The following CFAP57 variants were observed in gnomAD, a reference collection of about 807,000 sequenced individuals.
CFAP57 encodes the protein cilia and flagella associated protein 57.
Under a neutral mutation model 146.8 loss-of-function variants are expected in CFAP57, and 116 were observed. The observed-to-expected ratio is 0.79, with a 90% CI of 0.68 to 0.92. The LOEUF (loss-of-function observed/expected upper bound fraction) is 0.92, where lower values mean the gene tolerates loss of function less well. CFAP57 is among the 40% of genes least tolerant of loss of function. CFAP57 has a pLI of 0.00. For synonymous variants in CFAP57, 518 were observed against 552.8 expected, an observed-to-expected ratio of 0.94 and a Z score of 0.88; for missense variants, 1,377 against 1,527.2, an observed-to-expected ratio of 0.90 and a Z score of 1.64.
At chr1:43,229,687 G>A (rs1289421761) in intron 18 of CFAP57, among the ~76,000 whole-genome samples, 1 of 148,530 alleles carries the variant, frequency 6.7e-6, no homozygotes, top group Non-Finnish European at 1.5e-5. Flanking sequence ...TGTCGTTTTA[G>A]TTTACACTCA....
intron 12 of CFAP57, among the ~76,000 whole-genome samples, chr1:43,217,783 C>T (rs964795635): frequency 1.3e-5 from 2 of 152,154 alleles, no homozygotes; most frequent in South Asian, 2.1e-4. Context: ...TGCTGCGTAC[C>T]GCCATTGGAG....
Position 43,184,849 on chromosome 1 carries a change from C to T in CFAP57, c.762-300C>T, listed in dbSNP as rs553656966. On this transcript the variant is annotated intron_variant, in intron 4 of 22. Transcript: ENST00000372492. ...TTCACAGTCCTTCAGCTCTGGGGTC[C>T]AGGCCTCCCAGAACAAAGCCCAGAC... 48 of 362,800 alleles carry T rather than the reference C, an allele frequency of 1.3e-4. No individual in the cohort carries two copies. The East Asian group carries it at 3.2e-3, about 24-fold the overall frequency. 22.5% of individuals were successfully genotyped at this position (362,800 alleles called of 1,614,324 possible). A position where few individuals can be genotyped will look rare whatever the true frequency, so the allele number is the denominator to read the frequency against.
chr1:43,235,081 T>G (rs1176798951), intron 21 of CFAP57, among the ~76,000 whole-genome samples: 1 of 152,178 alleles, frequency 6.6e-6, no homozygotes, highest in African/African-American at 2.4e-5. Context: ...GACTTTGTTT[T>G]GCTCCTTTGT....
intron 16 of CFAP57, 76 bp downstream of exon 16, chr1:43,223,073 G>T (rs1645111310): frequency 6.9e-7 from 1 of 1,446,142 alleles, no homozygotes; most frequent in Non-Finnish European, 9.2e-7. Flanking sequence ...GGACTGACCG[G>T]CCTGGGGGTG....
chr1:43,172,862 C>A lies in CFAP57; in HGVS notation c.109C>A (p.His37Asn). The A allele has an allele frequency of 6.2e-7, 1 of 1,613,990 alleles. No individual in the cohort carries two copies. The highest frequency in any genetic ancestry group is 8.5e-7 in the Non-Finnish European group (1 of 1,179,856). The change falls in exon 2 of 23, where the codon CAC becomes AAC. Residue 37 changes from histidine to asparagine, a missense_variant. By Grantham distance (68) the His-to-Asn change is moderately conservative. Transcript: ENST00000372492. ...GATCATTATATTTCCTTCAGGAAATCACTGTGTGAAGTACAATGTGGATCA... is the reference window on the plus strand; with the variant it reads ...GATCATTATATTTCCTTCAGGAAATAACTGTGTGAAGTACAATGTGGATCA... Reference protein sequence around the residue: ...EQIIIFPSGNHCVKYNVDQKW... With the variant: ...EQIIIFPSGNNCVKYNVDQKW...
intron 5 of CFAP57, 97 bp from the exon 6 acceptor site, chr1:43,186,610 C>CAAAAAAAAAAAAAAAAAAAA: frequency 1.3e-6 from 1 of 747,518 alleles, no homozygotes; most frequent in South Asian, 1.7e-5. Context: ...GACTCCGTCT[C>CAAAAAAAAAAAAAAAAAAAA]AAAAAAAAAA....
At chr1:43,175,726 G>A (rs1645144382) in intron 2 of CFAP57, among the ~76,000 whole-genome samples, 1 of 151,500 alleles carries the variant, frequency 6.6e-6, no homozygotes, top group Admixed American at 6.6e-5. Flanking sequence ...GGCTGGTCTT[G>A]AACTCCTGAA....
At chr1:43,178,123 A>G (rs1645242981) in intron 2 of CFAP57, among the ~76,000 whole-genome samples, 1 of 152,208 alleles carries the variant, frequency 6.6e-6, no homozygotes, top group African/African-American at 2.4e-5. Flanking sequence ...CTTACACCTT[A>G]TACAAAAATT....
intron 21 of CFAP57, among the ~76,000 whole-genome samples, chr1:43,240,265 C>G (rs1289656990): frequency 1.3e-5 from 2 of 152,154 alleles, no homozygotes; most frequent in African/African-American, 4.8e-5. Flanking sequence ...CAGGACAGCT[C>G]TAGAGACCTG....
At chr1:43,242,063 A>G (rs1469428782) in intron 21 of CFAP57, among the ~76,000 whole-genome samples, 3 of 152,132 alleles carry the variant, frequency 2.0e-5, no homozygotes, top group Non-Finnish European at 4.4e-5. Context: ...TTCACTCTGC[A>G]TTCCAGTGAT....
At chr1:43,191,711 C>T (rs1643545677) in intron 6 of CFAP57, among the ~76,000 whole-genome samples, 1 of 142,592 alleles carries the variant, frequency 7.0e-6, no homozygotes, top group South Asian at 2.2e-4. Context: ...ATTGATTTTT[C>T]TCTATTGCTT....
At chr1:43,250,694 G>A (rs908750159) in intron 22 of CFAP57, among the ~76,000 whole-genome samples, 2 of 152,164 alleles carry the variant, frequency 1.3e-5, no homozygotes, top group African/African-American at 4.8e-5. Flanking sequence ...TTTCTCTACT[G>A]GTTGGGCTTG....
In CFAP57 at chr1:43,209,900, C is replaced by A. The variant is rs1034233174; in HGVS notation, c.1913C>A (p.Ala638Asp). 14 of 1,614,252 alleles carry A rather than the reference C, an allele frequency of 8.7e-6. No individual in the cohort carries two copies. Among genetic ancestry groups the A allele is most frequent in the Non-Finnish European group, 1.2e-5 (14 of 1,180,052 alleles). ...GAATTCAATGAGTACCAGGCCCATGCCGGTCCTATCACCAAGGTGAGCAGG... is the reference window on the plus strand; with the variant it reads ...GAATTCAATGAGTACCAGGCCCATGACGGTCCTATCACCAAGGTGAGCAGG... ...QKEFNEYQAH[A>D]GPITKMLLTF... Residue 638 changes from alanine to aspartate, a missense_variant, in exon 11 of 23, where the codon GCC (alanine) becomes GAC (aspartate). By Grantham distance (126) the Ala-to-Asp change is moderately radical (BLOSUM62 -2). Transcript: ENST00000372492.
At position 43,198,649 on chromosome 1, in the gene CFAP57, A is replaced by T. The variant is rs1570011276; in HGVS notation, c.1428+3A>T. On this transcript the variant is annotated splice_donor_region_variant and intron_variant, in intron 8 of 22. Coordinates refer to ENST00000372492, the MANE Select transcript of CFAP57 (RefSeq NM_001378189.1). ...ACTCTGTTAGAGGATGCGGAGAGGTAAAAAAAAAACTGCTGAAGACAAAAG... is the reference window on the plus strand; with the variant it reads ...ACTCTGTTAGAGGATGCGGAGAGGTTAAAAAAAAACTGCTGAAGACAAAAG... The T allele has an allele frequency of 2.5e-6, 2 of 798,346 alleles. No individual in the cohort carries two copies. Among genetic ancestry groups the T allele is most frequent in the Non-Finnish European group, 3.6e-6 (2 of 555,594 alleles). The allele number at this position is 798,346 out of a possible 1,614,324, so 49.5% of individuals were successfully genotyped here. A position where few individuals can be genotyped will look rare whatever the true frequency, so the allele number is the denominator to read the frequency against.
rs767335834 is a variant in CFAP57, at chr1:43,186,702, G to A, written c.970-5G>A. 6.2e-7 allele frequency: 1 copy of A among 1,613,902 alleles called. No individual in the cohort carries two copies. The highest frequency in any genetic ancestry group is 8.5e-7 in the Non-Finnish European group (1 of 1,179,944). On this transcript the variant is annotated splice_region_variant and splice_polypyrimidine_tract_variant and intron_variant, in intron 5 of 22. Coordinates refer to ENST00000372492, the MANE Select transcript of CFAP57 (RefSeq NM_001378189.1). Reference sequence around the variant, plus strand: ...TTACTGATAGCTGTTTTGCATTTTGGGCAGATTCCTGTGGACCCGCAGAGC... The same window carrying A: ...TTACTGATAGCTGTTTTGCATTTTGAGCAGATTCCTGTGGACCCGCAGAGC...
intron 12 of CFAP57, among the ~76,000 whole-genome samples, chr1:43,218,570 C>T (rs533949133): frequency 2.4e-4 from 37 of 151,140 alleles, no homozygotes; most frequent in Non-Finnish European, 4.7e-4. Flanking sequence ...ATCACACCAC[C>T]GCACTCCAGC....
chr1:43,184,902 G>A lies in CFAP57; in HGVS notation c.762-247G>A, dbSNP rs542455287. The A allele has an allele frequency of 5.6e-4, 270 of 479,282 alleles. 9 individuals carry two copies. The East Asian group carries it at 0.011, about 19-fold the overall frequency. The allele number at this position is 479,282 out of a possible 1,614,324, so 29.7% of individuals were successfully genotyped here. A position where few individuals can be genotyped will look rare whatever the true frequency, so the allele number is the denominator to read the frequency against. ...CTTGGTTTGGCCCAAGCATACCTGC[G>A]ACTGTTTTCCTCTACAACTCTCGCC... On this transcript the variant is annotated intron_variant, in intron 4 of 22. Transcript: ENST00000372492.
chr1:43,204,398 TTTTG>T (rs59128366), intron 9 of CFAP57, among the ~76,000 whole-genome samples: 27,123 of 151,748 alleles, frequency 0.18, 3,484 homozygotes, highest in African/African-American at 0.34. Context: ...GTTACACTCT[TTTTG>T]TTTGTTTGTT....
At chr1:43,210,845 A>G (rs1262029074) in intron 11 of CFAP57, 1 of 152,148 alleles carries the variant, frequency 6.6e-6, no homozygotes, top group Non-Finnish European at 1.5e-5. Flanking sequence ...TTTTACGACA[A>G]TTTTAAAAAT....
Sources: gnomAD v4.1 joint callset for allele counts (sites outside exome capture counted in the v4.1 genomes callset) on GRCh38, gnomAD v4.1.1 for gene constraint, MANE v1.5 for transcripts, NCBI Gene and HGNC (gene_info 2026-07-23, HGNC 2026-07-21) for gene names.